PAQR5: variants seen among roughly 807,000 people sequenced by gnomAD.
The protein encoded by PAQR5 is progestin and adipoQ receptor family member 5, also known as membrane progestin receptor gamma.
PAQR5 carries 20 observed loss-of-function variants against 34.5 expected under a neutral mutation model. That is an observed-to-expected ratio of 0.58 (90% CI 0.41 to 0.84). The LOEUF is 0.84. Ranked by LOEUF, PAQR5 falls within the 40% of genes least tolerant of loss-of-function variation. The probability of loss-of-function intolerance (pLI) is 0.00; values close to 1 mark genes in which losing one functional copy is unlikely to be tolerated. For synonymous variants in PAQR5, 131 were observed against 155.6 expected (o/e 0.84, Z 1.18); for missense variants, 378 against 412.7 (o/e 0.92, Z 0.73).
At chr15:69,377,758 C>A (rs1254466864) in intron 3 of PAQR5, among the ~76,000 whole-genome samples, 1 of 152,114 alleles carries the variant, frequency 6.6e-6, no homozygotes, top group Non-Finnish European at 1.5e-5. Flanking sequence ...CCTCGGGGAC[C>A]CAGATTTGAC....
rs918138242 is a variant in PAQR5, at chr15:69,298,912, A to T, written c.-421A>T. ...CGGGAGGGGACGGGCGGGGACCGGC[A>T]TGGGTAGGCGCGGCGACCCGCAGGG... is the stretch of plus-strand genomic sequence containing the variant. On this transcript the variant is annotated 5_prime_UTR_variant, in exon 1 of 9. It removes an upstream start codon present in the reference 5' UTR. Transcript: ENST00000395407. 8 of 151,272 alleles carry T rather than the reference A, an allele frequency of 5.3e-5. No individual in the cohort carries two copies. The highest frequency in any genetic ancestry group is 1.3e-4 in the Admixed American group (2 of 15,210). 9.4% of individuals were successfully genotyped at this position (151,272 alleles called of 1,614,324 possible).
intron 2 of PAQR5, among the ~76,000 whole-genome samples, chr15:69,341,790 CA>C (rs1368967951): frequency 6.6e-6 from 1 of 151,846 alleles, no homozygotes; most frequent in East Asian, 1.9e-4. Flanking sequence ...ACAAAAAATA[CA>C]AAAATTAGAT....
At chr15:69,332,779 TAAAAAAAAA>T (rs56280711) in intron 1 of PAQR5, among the ~76,000 whole-genome samples, 21 of 59,814 alleles carry the variant, frequency 3.5e-4, no homozygotes, top group Middle Eastern at 0.014. Flanking sequence ...CTAAATCTTG[TAAAAAAAAA>T]AAAAAAAAAA....
At chr15:69,308,358 G>A (rs2053762163) in intron 1 of PAQR5, among the ~76,000 whole-genome samples, 1 of 152,210 alleles carries the variant, frequency 6.6e-6, no homozygotes, top group Admixed American at 6.5e-5. Flanking sequence ...AAGATTGAAT[G>A]TCTGCAGGAG....
At chr15:69,321,254 G>T (rs1321860011) in intron 1 of PAQR5, among the ~76,000 whole-genome samples, 1 of 152,184 alleles carries the variant, frequency 6.6e-6, no homozygotes, top group East Asian at 1.9e-4. Flanking sequence ...ATATTTCAGG[G>T]TTTTTTCTGA....
At chr15:69,397,823 A>C in intron 7 of PAQR5, 2 of 541,208 alleles carry the variant, frequency 3.7e-6, no homozygotes, top group Non-Finnish European at 6.6e-6. Context: ...TTTTCTACAT[A>C]GACACAGTAA....
intron 2 of PAQR5, among the ~76,000 whole-genome samples, chr15:69,355,466 G>T (rs1473248957): frequency 6.7e-6 from 1 of 149,488 alleles, no homozygotes; most frequent in Non-Finnish European, 1.5e-5. Context: ...TGTTGCCCAG[G>T]CTGGAGTGTA....
chr15:69,373,599 G>T (rs1201833433), intron 3 of PAQR5, among the ~76,000 whole-genome samples: 1 of 152,008 alleles, frequency 6.6e-6, no homozygotes, highest in Admixed American at 6.6e-5. Flanking sequence ...CACTACCTGA[G>T]TTCTGTTTAC....
At chr15:69,323,108 A>C (rs80189285) in intron 1 of PAQR5, among the ~76,000 whole-genome samples, 6,645 of 151,746 alleles carry the variant, frequency 0.044, 286 homozygotes, top group East Asian at 0.15. Flanking sequence ...AAAGTGTGGA[A>C]CATGGGGCAG....
chr15:69,403,150 G>C (rs1183728438), intron 8 of PAQR5, among the ~76,000 whole-genome samples: 1 of 152,262 alleles, frequency 6.6e-6, no homozygotes, highest in African/African-American at 2.4e-5. Flanking sequence ...TCTGAAAAAT[G>C]AGACTGGTGG....
At chr15:69,369,989 TCTTTA>T (rs997694059) in intron 3 of PAQR5, among the ~76,000 whole-genome samples, 13 of 152,270 alleles carry the variant, frequency 8.5e-5, no homozygotes, top group African/African-American at 2.9e-4. Flanking sequence ...CTTTGTGACT[TCTTTA>T]CTTTTGTGTG....
At chr15:69,394,098 ATTGTTTTTTTT>A (rs1329945390) in intron 6 of PAQR5, among the ~76,000 whole-genome samples, 2,152 of 148,780 alleles carry the variant, frequency 0.014, 51 homozygotes, top group African/African-American at 0.05. Context: ...CCAACCATTG[ATTGTTTTTTTT>A]TTGTTTTTTG....
intron 1 of PAQR5, among the ~76,000 whole-genome samples, chr15:69,300,969 T>TTCTTTCTTTCTTTCTTTCTC (rs2053587218): frequency 2.7e-5 from 2 of 73,432 alleles, no homozygotes; most frequent in African/African-American, 1.2e-4. Context: ...CTTTCTTTCT[T>TTCTTTCTTTCTTTCTTTCTC]TCTTTCTTTC....
rs762480698 is a variant in PAQR5 at position 69,403,726 on chromosome 15, ACTT to A, written c.900_902del (p.Leu301del). On this transcript the variant is annotated inframe_deletion, in exon 9 of 9. Transcript: ENST00000395407. Reference sequence around the variant, plus strand: ...CTTTCTCTCAGATAGCTGGAGCCATACTTCTGTGCATCATCTTCAGCCTCAGCA... The same window carrying A: ...CTTTCTCTCAGATAGCTGGAGCCATACTGTGCATCATCTTCAGCCTCAGCA... 1.9e-6 allele frequency: 3 copies of A among 1,614,050 alleles called. No individual in the cohort carries two copies. The African/African-American group carries it at 4.0e-5, about 22-fold the overall frequency.
chr15:69,332,779 TAAAAA>T (rs56280711), intron 1 of PAQR5, among the ~76,000 whole-genome samples: 9 of 59,794 alleles, frequency 1.5e-4, no homozygotes, highest in African/African-American at 7.1e-5. Flanking sequence ...CTAAATCTTG[TAAAAA>T]AAAAAAAAAA....
intron 1 of PAQR5, among the ~76,000 whole-genome samples, chr15:69,336,222 G>A (rs1428091487): frequency 6.6e-6 from 1 of 152,134 alleles, no homozygotes; most frequent in Non-Finnish European, 1.5e-5. Flanking sequence ...GATATCCAGT[G>A]TTTTAAACCT....
chr15:69,404,311 T>C lies in PAQR5; in HGVS notation c.*489T>C, dbSNP rs1448061234. On this transcript the variant is annotated 3_prime_UTR_variant, in exon 9 of 9. Transcript: ENST00000395407. The stretch of plus-strand genomic sequence containing the variant: ...AAAGAAAGTTGGTCACTGAGTGCCT[T>C]GGGGACTGGCAAAACATTCCAGAAT... 2 of 159,232 alleles carry C rather than the reference T, an allele frequency of 1.3e-5. No homozygotes were observed. Among genetic ancestry groups the C allele is most frequent in the African/African-American group, 4.8e-5 (2 of 41,462 alleles). 9.9% of individuals were successfully genotyped at this position (159,232 alleles called of 1,614,324 possible). A position where few individuals can be genotyped will look rare whatever the true frequency, so the allele number is the denominator to read the frequency against.
intron 1 of PAQR5, among the ~76,000 whole-genome samples, chr15:69,300,845 C>T (rs1322920385): frequency 2.1e-4 from 1 of 4,772 alleles, no homozygotes; most frequent in African/African-American, 1.5e-3. Flanking sequence ...AGTTCGTTTT[C>T]TTTCTTTCTT....
intron 1 of PAQR5, among the ~76,000 whole-genome samples, chr15:69,301,635 G>A (rs1006188604): frequency 6.6e-6 from 1 of 152,162 alleles, no homozygotes; most frequent in Non-Finnish European, 1.5e-5. Context: ...TTAGGAGATA[G>A]TAAGTGGTTC....
Sources: gnomAD v4.1 joint callset for allele counts (sites outside exome capture counted in the v4.1 genomes callset) on GRCh38, gnomAD v4.1.1 for gene constraint, MANE v1.5 for transcripts, NCBI Gene and HGNC (gene_info 2026-07-23, HGNC 2026-07-21) for gene names.